The following PDE1A variants were observed in gnomAD, a reference collection of about 807,000 sequenced individuals.
PDE1A encodes phosphodiesterase 1A, also known as dual specificity calcium/calmodulin-dependent 3',5'-cyclic nucleotide phosphodiesterase 1A.
In PDE1A, 35 loss-of-function variants were observed where a neutral mutation model predicts 61.7. The observed-to-expected ratio is 0.57, with a 90% CI of 0.43 to 0.75. The LOEUF (loss-of-function observed/expected upper bound fraction) is 0.75, where lower values mean the gene tolerates loss of function less well. PDE1A is among the 30% of genes least tolerant of loss of function. PDE1A has a pLI of 0.00. For missense variants in PDE1A, 597 were observed against 630.6 expected, an observed-to-expected ratio of 0.95 and a Z score of 0.57; for synonymous variants, 232 against 213.2, an observed-to-expected ratio of 1.09 and a Z score of -0.77.
At chr2:182,698,979 C>T in the PDE1A span, among the ~76,000 whole-genome samples, 1 of 152,166 alleles carries the variant, frequency 6.6e-6, no homozygotes, top group Admixed American at 6.5e-5. Flanking sequence ...AGACACTTGG[C>T]AATATTTGTC....
chr2:182,626,220 A>G, the PDE1A span, among the ~76,000 whole-genome samples: 1 of 152,210 alleles, frequency 6.6e-6, no homozygotes, highest in South Asian at 2.1e-4. Flanking sequence ...CTATATCTTC[A>G]GCTCACTTTG....
chr2:182,451,935 T>TG (rs1559476300), intron 2 of PDE1A, among the ~76,000 whole-genome samples: 1 of 152,132 alleles, frequency 6.6e-6, no homozygotes, highest in Non-Finnish European at 1.5e-5. Flanking sequence ...GAACTTCTGC[T>TG]GGGCACTGGT....
At chr2:182,494,747 G>A (rs1666954563) in intron 2 of PDE1A, among the ~76,000 whole-genome samples, 1 of 151,864 alleles carries the variant, frequency 6.6e-6, no homozygotes, top group African/African-American at 2.4e-5. Flanking sequence ...GCCCAGGCCT[G>A]CTTCCACTTG....
At chr2:182,194,069 T>C (rs1388177017) in intron 10 of PDE1A, among the ~76,000 whole-genome samples, 1 of 152,186 alleles carries the variant, frequency 6.6e-6, no homozygotes, top group Non-Finnish European at 1.5e-5. Context: ...TTTTGACCTT[T>C]CCTTCCAAAT....
chr2:182,159,374 A>G (rs908465713), intron 13 of PDE1A, among the ~76,000 whole-genome samples: 1 of 152,192 alleles, frequency 6.6e-6, no homozygotes, highest in Non-Finnish European at 1.5e-5. Flanking sequence ...TGATTTACTC[A>G]TCAGAAAACT....
chr2:182,659,316 G>A, the PDE1A span, among the ~76,000 whole-genome samples: 47 of 152,040 alleles, frequency 3.1e-4, no homozygotes, highest in African/African-American at 1.1e-3. Flanking sequence ...TCTGTTAACT[G>A]GACTATTTTA....
the PDE1A span, among the ~76,000 whole-genome samples, chr2:182,673,082 G>A: frequency 6.6e-6 from 1 of 152,112 alleles, no homozygotes; most frequent in Non-Finnish European, 1.5e-5. Flanking sequence ...ACAGAAAAAG[G>A]GTCCTCACAT....
chr2:182,312,438 A>T (rs1696045771), intron 1 of PDE1A, among the ~76,000 whole-genome samples: 2 of 152,194 alleles, frequency 1.3e-5, no homozygotes. Flanking sequence ...TTTAGGCTTT[A>T]CATTTAGACC....
chr2:182,472,315 C>G (rs544090703), intron 2 of PDE1A, among the ~76,000 whole-genome samples: 1 of 151,946 alleles, frequency 6.6e-6, no homozygotes, highest in African/African-American at 2.4e-5. Context: ...CCTAAGTGGC[C>G]ATCAATGGAT....
chr2:182,229,347 T>G (rs190085399), intron 6 of PDE1A, among the ~76,000 whole-genome samples: 3 of 152,170 alleles, frequency 2.0e-5, no homozygotes, highest in Non-Finnish European at 4.4e-5. Context: ...CCAGCTCAGT[T>G]TTGCACCTTC....
intron 1 of PDE1A, among the ~76,000 whole-genome samples, chr2:182,269,262 G>A (rs1559277137): frequency 2.0e-5 from 3 of 152,056 alleles, no homozygotes; most frequent in Admixed American, 6.6e-5. Context: ...GCCGAAGCGG[G>A]TGGATCACCT....
the PDE1A span, among the ~76,000 whole-genome samples, chr2:182,573,457 C>G: frequency 6.6e-6 from 1 of 152,028 alleles, no homozygotes; most frequent in Non-Finnish European, 1.5e-5. Context: ...CTTCAAAAAG[C>G]TAATTTCACA....
chr2:182,206,629 A>T (rs929441734), intron 7 of PDE1A, among the ~76,000 whole-genome samples: 1 of 152,114 alleles, frequency 6.6e-6, no homozygotes, highest in Non-Finnish European at 1.5e-5. Context: ...CCTTCTTCAA[A>T]ATGTTATGTA....
intron 2 of PDE1A, among the ~76,000 whole-genome samples, chr2:182,256,187 A>G (rs890805387): frequency 2.1e-5 from 3 of 140,064 alleles, no homozygotes; most frequent in African/African-American, 8.4e-5. Context: ...TGCACCCACT[A>G]ACTCGTCATC....
intron 2 of PDE1A, among the ~76,000 whole-genome samples, chr2:182,499,914 G>GATTTCC (rs1237096263): frequency 6.6e-6 from 1 of 152,166 alleles, no homozygotes; most frequent in Non-Finnish European, 1.5e-5. Context: ...AAAGCAAAGG[G>GATTTCC]CAGTCCCAGG....
intron 7 of PDE1A, among the ~76,000 whole-genome samples, chr2:182,208,401 A>G (rs1408578400): frequency 6.6e-6 from 1 of 152,014 alleles, no homozygotes; most frequent in East Asian, 1.9e-4. Flanking sequence ...ATCAGATCTC[A>G]TGAGAATTCC....
At chr2:182,187,636 AT>A (rs1330881762) in intron 11 of PDE1A, among the ~76,000 whole-genome samples, 2 of 152,068 alleles carry the variant, frequency 1.3e-5, no homozygotes, top group Non-Finnish European at 2.9e-5. Flanking sequence ...CACATTTTTA[AT>A]TTAATAAAAC....
At chr2:182,256,457 T>C (rs745723159) in intron 2 of PDE1A, among the ~76,000 whole-genome samples, 71 of 152,192 alleles carry the variant, frequency 4.7e-4, no homozygotes, top group Non-Finnish European at 8.8e-4. Flanking sequence ...AGTGTGGCGA[T>C]TCCTCAGGGA....
chr2:182,483,592 T>A (rs1357344125), intron 2 of PDE1A, among the ~76,000 whole-genome samples: 2 of 151,912 alleles, frequency 1.3e-5, no homozygotes, highest in East Asian at 1.9e-4. Context: ...TTAGAATACA[T>A]TTTGAACTTA....
Sources: gnomAD v4.1 joint callset for allele counts (sites outside exome capture counted in the v4.1 genomes callset) on GRCh38, gnomAD v4.1.1 for gene constraint, MANE v1.5 for transcripts, NCBI Gene and HGNC (gene_info 2026-07-23, HGNC 2026-07-21) for gene names.